Variants in MAL observed in about 807,000 individuals in gnomAD.
The protein encoded by MAL is mal, T cell differentiation protein (MAL blood group), also known as myelin and lymphocyte protein.
A neutral mutation model predicts 16.7 loss-of-function variants in MAL; 5 were observed. The ratio of observed to expected loss-of-function variants is 0.30; its 90% CI spans 0.16 to 0.63. The LOEUF (loss-of-function observed/expected upper bound fraction) is 0.63, where lower values mean the gene tolerates loss of function less well. MAL is among the 30% of genes least tolerant of loss of function. The probability of loss-of-function intolerance (pLI) is 0.82; values close to 1 mark genes in which losing one functional copy is unlikely to be tolerated. For synonymous variants in MAL, 96 were observed against 85.5 expected (o/e 1.12, Z -0.67); for missense variants, 202 against 195.8 (o/e 1.03, Z -0.19).
intron 3 of MAL, chr2:95,051,948 G>A (rs1339941107): frequency 2.0e-5 from 3 of 152,240 alleles, no homozygotes; most frequent in Non-Finnish European, 2.9e-5. Flanking sequence ...TTGGGTACAG[G>A]GAGGCACCTC....
chr2:95,035,471 G>A (rs1674181477), intron 1 of MAL, among the ~76,000 whole-genome samples: 1 of 152,080 alleles, frequency 6.6e-6, no homozygotes, highest in Non-Finnish European at 1.5e-5. Context: ...GTGCATTCAG[G>A]AACTAGTGAC....
chr2:95,043,198 A>C (rs970204834), intron 1 of MAL, among the ~76,000 whole-genome samples: 1 of 152,196 alleles, frequency 6.6e-6, no homozygotes, highest in African/African-American at 2.4e-5. Flanking sequence ...TCTCTCTCCA[A>C]GGCTCGACTG....
At chr2:95,045,679 C>T (rs1674570156) in intron 1 of MAL, among the ~76,000 whole-genome samples, 1 of 152,178 alleles carries the variant, frequency 6.6e-6, no homozygotes, top group Non-Finnish European at 1.5e-5. Context: ...GAGAGGGGTT[C>T]CCAGGCCAGG....
rs149629339 is a variant in MAL, at chr2:95,049,147, A to G, written c.262-434A>G. ...TTTGCTTTTAAATATACCAGGGGCCAAAAATAAGCAATGAAACAAAACAAA... is the reference window on the plus strand; with the variant it reads ...TTTGCTTTTAAATATACCAGGGGCCGAAAATAAGCAATGAAACAAAACAAA... On this transcript the variant is annotated intron_variant, in intron 2 of 3. Coordinates refer to ENST00000309988, the MANE Select transcript of MAL (RefSeq NM_002371.4). 7.3e-3 allele frequency among the ~76,000 whole-genome samples: 1,118 copies of G among 152,304 alleles called. 14 individuals carry two copies. The highest frequency in any genetic ancestry group is 0.026 in the African/African-American group (1,060 of 41,560).
intron 1 of MAL, among the ~76,000 whole-genome samples, chr2:95,027,496 C>A (rs2104323937): frequency 6.6e-6 from 1 of 152,346 alleles, no homozygotes; most frequent in East Asian, 1.9e-4. Context: ...AGGAGACCCG[C>A]AATGCATAGT....
rs748888408 is a variant in MAL at position 95,046,969 on chromosome 2, GAAGA to G, written c.94-975_94-972del. On this transcript the variant is annotated intron_variant, in intron 1 of 3. Coordinates refer to ENST00000309988, the MANE Select transcript of MAL (RefSeq NM_002371.4). ...GAAAGAGAAAAAAGAAAGAAAGAAA[GAAGA>G]AAGAAAGAAAGAAAAAGAAGGAAGG... Among the ~76,000 whole-genome samples the G allele has an allele frequency of 1.8e-3, 262 of 145,526 alleles. 1 individual carries two copies. In the East Asian group the frequency reaches 0.018, roughly 10 times the overall value.
intron 1 of MAL, among the ~76,000 whole-genome samples, chr2:95,032,302 G>T (rs1674104131): frequency 1.3e-5 from 2 of 152,272 alleles, no homozygotes; most frequent in Non-Finnish European, 2.9e-5. Flanking sequence ...CAGTGGCTTG[G>T]CTTTGTCCTG....
At chr2:95,029,144 C>A (rs1199664829) in intron 1 of MAL, among the ~76,000 whole-genome samples, 1 of 152,176 alleles carries the variant, frequency 6.6e-6, no homozygotes, top group African/African-American at 2.4e-5. Context: ...ATAATTATTG[C>A]CCAACTTTGT....
At chr2:95,045,621 T>C (rs1373553222) in intron 1 of MAL, among the ~76,000 whole-genome samples, 1 of 152,196 alleles carries the variant, frequency 6.6e-6, no homozygotes, top group Admixed American at 6.5e-5. Flanking sequence ...GCAACTTAAA[T>C]TGGTCCTCCT....
intron 3 of MAL, among the ~76,000 whole-genome samples, chr2:95,051,119 C>A (rs941404274): frequency 3.6e-4 from 55 of 152,330 alleles, no homozygotes; most frequent in African/African-American, 1.3e-3. Flanking sequence ...GGAATGAACA[C>A]CCCTTCCCGC....
intron 1 of MAL, among the ~76,000 whole-genome samples, chr2:95,038,760 GTGAGTGAC>G (rs1167104526): frequency 3.3e-5 from 5 of 151,484 alleles, no homozygotes; most frequent in Non-Finnish European, 7.4e-5. Context: ...GACTGACTGA[GTGAGTGAC>G]TGAGTGAGTG....
intron 1 of MAL, among the ~76,000 whole-genome samples, chr2:95,043,199 G>C (rs564826802): frequency 4.1e-4 from 63 of 152,362 alleles, no homozygotes; most frequent in African/African-American, 1.4e-3. Flanking sequence ...CTCTCTCCAA[G>C]GCTCGACTGA....
chr2:95,033,046 C>T (rs1165552433), intron 1 of MAL, among the ~76,000 whole-genome samples: 1 of 152,212 alleles, frequency 6.6e-6, no homozygotes, highest in Non-Finnish European at 1.5e-5. Flanking sequence ...TTCCTGGCCA[C>T]AGCCTCCAGT....
intron 1 of MAL, among the ~76,000 whole-genome samples, chr2:95,042,670 G>C (rs1488816151): frequency 6.6e-6 from 1 of 152,160 alleles, no homozygotes; most frequent in Non-Finnish European, 1.5e-5. Context: ...AGAAACAAAG[G>C]GGACACAGCA....
chr2:95,053,238 G>A (rs1389719491), intron 3 of MAL, 143 bp from the exon 4 acceptor site: 8 of 693,354 alleles, frequency 1.2e-5, no homozygotes, highest in African/African-American at 7.0e-5. Flanking sequence ...CAGGGAGGGC[G>A]TCCATGTGAG....
chr2:95,030,595 C>CAG (rs1434951011), intron 1 of MAL, among the ~76,000 whole-genome samples: 1 of 152,186 alleles, frequency 6.6e-6, no homozygotes, highest in Non-Finnish European at 1.5e-5. Context: ...CCTACCCATT[C>CAG]AGGACTTGTG....
chr2:95,048,758 T>C (rs755666057), intron 2 of MAL, among the ~76,000 whole-genome samples: 24 of 152,374 alleles, frequency 1.6e-4, no homozygotes, highest in Non-Finnish European at 3.5e-4. Context: ...ACTTAGACTT[T>C]TGAAATCACT....
rs370135940 is a variant in MAL at position 95,028,329 on chromosome 2, ATAAAT to A, written c.93+2448_93+2452del. On this transcript the variant is annotated intron_variant, in intron 1 of 3. Coordinates refer to ENST00000309988, the MANE Select transcript of MAL (RefSeq NM_002371.4). The stretch of plus-strand genomic sequence containing the variant: ...CAGAGTGAGACTCGGTCTCAAAAAA[ATAAAT>A]TAATAAGTAAATAAATTAAATAAAT... Among the ~76,000 whole-genome samples, 23 of 152,200 alleles carry A rather than the reference ATAAAT, an allele frequency of 1.5e-4. No homozygotes were observed. The South Asian group carries it at 3.3e-3, about 22-fold the overall frequency.
At chr2:95,029,923 T>A (rs932816747) in intron 1 of MAL, among the ~76,000 whole-genome samples, 1 of 152,234 alleles carries the variant, frequency 6.6e-6, no homozygotes, top group African/African-American at 2.4e-5. Flanking sequence ...CTTTATAATT[T>A]TCTGCTAGTC....
Sources: allele counts gnomAD v4.1 joint callset (sites outside exome capture counted in the v4.1 genomes callset), GRCh38; gene constraint gnomAD v4.1.1; transcripts MANE v1.5; gene names NCBI Gene and HGNC (gene_info 2026-07-23, HGNC 2026-07-21).